The following CHD6 variants were observed in gnomAD, a reference collection of about 807,000 sequenced individuals.
The protein encoded by CHD6 is ATP-dependent chromatin remodeler CHD6.
CHD6 carries 50 observed loss-of-function variants against 276.9 expected under a neutral mutation model. That is an observed-to-expected ratio of 0.18 (90% CI 0.14 to 0.23). CHD6 has a LOEUF of 0.23. Among genes scored for constraint, CHD6 ranks in the 10% least tolerant of loss-of-function variants. CHD6 has a pLI of 1.00. For synonymous variants in CHD6, 1,173 were observed against 1,229.3 expected, an observed-to-expected ratio of 0.95 and a Z score of 0.96; for missense variants, 2,564 against 3,365.8, an observed-to-expected ratio of 0.76 and a Z score of 5.89.
At chr20:41,442,000 A>T (rs1413701687) in intron 25 of CHD6, among the ~76,000 whole-genome samples, 1 of 152,244 alleles carries the variant, frequency 6.6e-6, no homozygotes, top group Non-Finnish European at 1.5e-5. Flanking sequence ...AATTTAGAAT[A>T]GGTTTGCCAC....
At chr20:41,608,566 A>G (rs990418455) in intron 1 of CHD6, among the ~76,000 whole-genome samples, 1 of 152,200 alleles carries the variant, frequency 6.6e-6, no homozygotes, top group Non-Finnish European at 1.5e-5. Flanking sequence ...AGGTTAAGGG[A>G]AAAGTCCTAT....
intron 16 of CHD6, among the ~76,000 whole-genome samples, chr20:41,478,224 C>T (rs1039569296): frequency 6.6e-6 from 1 of 152,076 alleles, no homozygotes; most frequent in Non-Finnish European, 1.5e-5. Context: ...TCCACAGTGC[C>T]CCCCCATCTG....
At chr20:41,567,189 C>G (rs1312099934) in intron 1 of CHD6, among the ~76,000 whole-genome samples, 3 of 152,128 alleles carry the variant, frequency 2.0e-5, no homozygotes, top group African/African-American at 7.2e-5. Flanking sequence ...GCCATCAGGT[C>G]TGGCCTATGT....
chr20:41,596,788 A>G (rs2045722346), intron 1 of CHD6, among the ~76,000 whole-genome samples: 1 of 152,188 alleles, frequency 6.6e-6, no homozygotes, highest in Non-Finnish European at 1.5e-5. Context: ...TGGGCAGGGG[A>G]TGTGAAAGCT....
intron 1 of CHD6, among the ~76,000 whole-genome samples, chr20:41,613,052 T>C (rs6102499): frequency 0.38 from 58,034 of 151,922 alleles, 13,897 homozygotes; most frequent in African/African-American, 0.66. Context: ...TAATATAAAA[T>C]CCTTTTTATA....
intron 27 of CHD6, among the ~76,000 whole-genome samples, chr20:41,432,160 C>CAA (rs572447937): frequency 5.8e-4 from 34 of 58,974 alleles, no homozygotes; most frequent in African/African-American, 1.6e-3. Context: ...AACTCCGTCT[C>CAA]AAAAAAAAAA....
intron 30 of CHD6, 47 bp from the exon 31 acceptor site, chr20:41,422,126 C>T (rs1410433713): frequency 6.5e-7 from 1 of 1,545,438 alleles, no homozygotes. Flanking sequence ...TGACCTCAGA[C>T]ACTCCCCGCC....
At chr20:41,441,606 T>C (rs73611269) in intron 25 of CHD6, among the ~76,000 whole-genome samples, 4,506 of 152,312 alleles carry the variant, frequency 0.03, 215 homozygotes, top group East Asian at 0.17. Context: ...CGACCCTCCC[T>C]GACCTGGGCA....
At chr20:41,475,884 T>G (rs1179215658) in intron 16 of CHD6, among the ~76,000 whole-genome samples, 1 of 152,230 alleles carries the variant, frequency 6.6e-6, no homozygotes, top group South Asian at 2.1e-4. Flanking sequence ...TAAAATTAGA[T>G]AAGTGTTTTT....
Position 41,489,795 on chromosome 20 carries a change from C to T in CHD6, c.1663G>A (p.Val555Met). The T allele has an allele frequency of 3.7e-6, 6 of 1,614,004 alleles. No individual in the cohort carries two copies. The highest frequency in any genetic ancestry group is 5.1e-6 in the Non-Finnish European group (6 of 1,179,910). ...SRQMIQQYEM[V>M]YRDAQGNPLS... ...AGGCTCACCTGGGCGTCTCTGTACA[C>T]CATTTCATACTGCTGGATCATCTGC... Residue 555 changes from valine to methionine, a missense_variant, in exon 12 of 37, where the codon GTG becomes ATG. By Grantham distance (21) the Val-to-Met change is conservative (BLOSUM62 1). Coordinates refer to ENST00000373233, the MANE Select transcript of CHD6 (RefSeq NM_032221.5).
At chr20:41,497,983 C>T (rs1475240952) in intron 7 of CHD6, 185 bp downstream of exon 7, 5 of 565,938 alleles carry the variant, frequency 8.8e-6, no homozygotes. Context: ...AAAAAGCTCT[C>T]CAGGTAATTC....
chr20:41,440,223 G>A (rs1049417451), intron 25 of CHD6, 94 bp from the exon 26 acceptor site: 3 of 1,137,704 alleles, frequency 2.6e-6, no homozygotes, highest in Non-Finnish European at 3.8e-6. Flanking sequence ...ATTTAGTAAA[G>A]AACAAAACAA....
At chr20:41,612,724 A>G (rs1275628926) in intron 1 of CHD6, among the ~76,000 whole-genome samples, 2 of 152,320 alleles carry the variant, frequency 1.3e-5, no homozygotes, top group East Asian at 3.9e-4. Flanking sequence ...CTTGGACCCA[A>G]AGTAGATAGA....
chr20:41,592,409 C>G (rs1297528106), intron 1 of CHD6, among the ~76,000 whole-genome samples: 6 of 152,300 alleles, frequency 3.9e-5, no homozygotes. Flanking sequence ...GTAATGTTTA[C>G]TGTCTTAAAC....
At chr20:41,481,804 A>T (rs1263196400) in intron 16 of CHD6, among the ~76,000 whole-genome samples, 3 of 152,022 alleles carry the variant, frequency 2.0e-5, no homozygotes, top group Non-Finnish European at 4.4e-5. Context: ...GATCATTAAA[A>T]TTTTGTTGTA....
chr20:41,555,263 G>A (rs1223340436), intron 1 of CHD6, among the ~76,000 whole-genome samples: 5 of 144,534 alleles, frequency 3.5e-5, no homozygotes, highest in South Asian at 2.2e-4. Context: ...TCCTGGACGG[G>A]GCGGCTGGCC....
At chr20:41,463,469 A>C (rs977295722) in intron 17 of CHD6, among the ~76,000 whole-genome samples, 9 of 152,210 alleles carry the variant, frequency 5.9e-5, no homozygotes, top group Admixed American at 3.9e-4. Context: ...TCACTGTACT[A>C]AGTGATCAAA....
At chr20:41,537,892 T>C (rs965918739) in intron 2 of CHD6, among the ~76,000 whole-genome samples, 2 of 152,070 alleles carry the variant, frequency 1.3e-5, no homozygotes, top group African/African-American at 4.8e-5. Context: ...CACACACATA[T>C]ACACAGAATT....
chr20:41,444,612 T>C (rs2048007933), intron 25 of CHD6, among the ~76,000 whole-genome samples: 1 of 152,240 alleles, frequency 6.6e-6, no homozygotes, highest in Non-Finnish European at 1.5e-5. Flanking sequence ...ATATAGCTGG[T>C]TAGCCTGTAA....
Sources: gnomAD v4.1 joint callset for allele counts (sites outside exome capture counted in the v4.1 genomes callset) on GRCh38, gnomAD v4.1.1 for gene constraint, MANE v1.5 for transcripts, NCBI Gene and HGNC (gene_info 2026-07-23, HGNC 2026-07-21) for gene names.